The following SLC14A2 variants were observed in gnomAD, a reference collection of about 807,000 sequenced individuals.
SLC14A2 encodes urea transporter 2.
Under a neutral mutation model 104.6 loss-of-function variants are expected in SLC14A2, and 91 were observed. That is an observed-to-expected ratio of 0.87 (90% CI 0.73 to 1.04). SLC14A2 has a LOEUF of 1.04. Ranked by LOEUF, SLC14A2 falls within the 50% of genes least tolerant of loss-of-function variation. The pLI, the probability that SLC14A2 is intolerant of heterozygous loss-of-function variation, is 0.00. For missense variants in SLC14A2, 1,189 were observed against 1,156.0 expected (o/e 1.03, Z -0.41); for synonymous variants, 476 against 466.4 (o/e 1.02, Z -0.27).
intron 1 of SLC14A2, among the ~76,000 whole-genome samples, chr18:45,364,148 A>C (rs2085643366): frequency 6.6e-6 from 1 of 152,158 alleles, no homozygotes; most frequent in African/African-American, 2.4e-5. Flanking sequence ...TCAACTCGTC[A>C]GCCCTTGCCT....
intron 2 of SLC14A2, among the ~76,000 whole-genome samples, chr18:45,586,771 C>G (rs974967835): frequency 6.6e-6 from 1 of 152,052 alleles, no homozygotes; most frequent in African/African-American, 2.4e-5. Context: ...TTAGGTTACC[C>G]CCACCTTCAA....
At chr18:45,537,902 A>G (rs2043820311) in intron 2 of SLC14A2, among the ~76,000 whole-genome samples, 2 of 152,234 alleles carry the variant, frequency 1.3e-5, no homozygotes, top group South Asian at 4.1e-4. Context: ...GGAGTTCAGC[A>G]GAGAGGTCTG....
chr18:45,235,067 A>G (rs185130842), intron 1 of SLC14A2, among the ~76,000 whole-genome samples: 88 of 152,276 alleles, frequency 5.8e-4, no homozygotes, highest in African/African-American at 2.0e-3. Flanking sequence ...GGAATCTTCA[A>G]ATCTGCCTCT....
chr18:45,639,887 C>A lies in SLC14A2; in HGVS notation c.985C>A (p.Leu329Ile). ...HAAIGSIVGL[L>I]AALSVATPFE... The stretch of plus-strand genomic sequence containing the variant: ...AGCCATTGGCTCAATCGTGGGGCTG[C>A]TAGCAGGTAGGACAGAGCTCCCTCT... The change falls in exon 7 of 20, where the codon CTA (leucine) becomes ATA (isoleucine). Residue 329 changes from leucine to isoleucine, a missense_variant. Physicochemically the swap from Leu to Ile is conservative, Grantham distance 5. Transcript: ENST00000255226. 1 of 1,613,082 alleles carries A rather than the reference C, an allele frequency of 6.2e-7. No homozygotes were observed. The highest frequency in any genetic ancestry group is 8.5e-7 in the Non-Finnish European group (1 of 1,179,806).
At chr18:45,614,679 T>C (rs770568894), upstream of SLC14A2, 4 of 152,226 alleles carry the variant, frequency 2.6e-5, no homozygotes, top group Non-Finnish European at 4.4e-5. Flanking sequence ...CCACTGGATT[T>C]TGGACTTGCG....
intron 1 of SLC14A2, among the ~76,000 whole-genome samples, chr18:45,302,500 G>T (rs565485086): frequency 9.2e-5 from 14 of 152,226 alleles, no homozygotes; most frequent in Admixed American, 7.9e-4. Context: ...TTCCTTGTCT[G>T]GGCCCTTTGT....
intron 10 of SLC14A2, among the ~76,000 whole-genome samples, chr18:45,650,761 C>G (rs192574284): frequency 1.3e-4 from 20 of 152,080 alleles, no homozygotes; most frequent in African/African-American, 4.8e-4. Flanking sequence ...GTTTTTGAGA[C>G]GGAGTTTTGT....
chr18:45,244,108 G>A (rs898260074), intron 1 of SLC14A2, among the ~76,000 whole-genome samples: 9 of 152,144 alleles, frequency 5.9e-5, no homozygotes, highest in African/African-American at 9.7e-5. Flanking sequence ...GCCAAGTTCC[G>A]GAAGCTTAGA....
intron 1 of SLC14A2, among the ~76,000 whole-genome samples, chr18:45,276,864 C>A (rs945606528): frequency 6.6e-6 from 1 of 152,230 alleles, no homozygotes; most frequent in Admixed American, 6.5e-5. Flanking sequence ...GTAGCCCTGG[C>A]TGCTTCGACC....
intron 2 of SLC14A2, among the ~76,000 whole-genome samples, chr18:45,503,022 C>T (rs778431977): frequency 5.3e-5 from 8 of 151,956 alleles, no homozygotes; most frequent in South Asian, 4.2e-4. Context: ...TTTAAAGTTC[C>T]ATGGGCAGCT....
intron 2 of SLC14A2, among the ~76,000 whole-genome samples, chr18:45,505,832 C>T (rs937847147): frequency 6.6e-6 from 1 of 152,296 alleles, no homozygotes; most frequent in East Asian, 1.9e-4. Flanking sequence ...TTTCACAAAG[C>T]CTAGCCTTGC....
chr18:45,337,608 T>A (rs2085349569), intron 1 of SLC14A2, among the ~76,000 whole-genome samples: 1 of 152,214 alleles, frequency 6.6e-6, no homozygotes, highest in Admixed American at 6.5e-5. Flanking sequence ...GCCTCATTAT[T>A]CCTCATTATA....
chr18:45,591,333 C>CTTGTT (rs137982590), intron 2 of SLC14A2, among the ~76,000 whole-genome samples: 12,379 of 152,052 alleles, frequency 0.081, 673 homozygotes, highest in Non-Finnish European at 0.12. Context: ...AACAATATTT[C>CTTGTT]TTGTTTTGTT....
At chr18:45,596,446 C>A (rs1208426420) in intron 2 of SLC14A2, among the ~76,000 whole-genome samples, 1 of 152,260 alleles carries the variant, frequency 6.6e-6, no homozygotes, top group Non-Finnish European at 1.5e-5. Context: ...CCAGAATGGG[C>A]ATTTCCTGTG....
intron 1 of SLC14A2, among the ~76,000 whole-genome samples, chr18:45,344,813 C>A (rs1599692455): frequency 2.0e-5 from 3 of 152,312 alleles, no homozygotes; most frequent in East Asian, 3.9e-4. Flanking sequence ...TAATGCATGA[C>A]CCGTCACGTA....
At chr18:45,464,038 G>A (rs928178024) in intron 1 of SLC14A2, among the ~76,000 whole-genome samples, 1 of 152,162 alleles carries the variant, frequency 6.6e-6, no homozygotes, top group Non-Finnish European at 1.5e-5. Context: ...TGAGATACAA[G>A]AACGCTAACG....
At chr18:45,424,363 A>G (rs1037497738) in intron 1 of SLC14A2, among the ~76,000 whole-genome samples, 13 of 152,188 alleles carry the variant, frequency 8.5e-5, no homozygotes, top group African/African-American at 3.1e-4. Flanking sequence ...CTGGGGTTCT[A>G]TGGAGACTGT....
At chr18:45,409,271 G>C (rs1421519346) in intron 1 of SLC14A2, among the ~76,000 whole-genome samples, 1 of 152,180 alleles carries the variant, frequency 6.6e-6, no homozygotes, top group Non-Finnish European at 1.5e-5. Flanking sequence ...TTTTAGATGA[G>C]AGCAAGAGAG....
chr18:45,420,205 C>T (rs181555854), intron 1 of SLC14A2, among the ~76,000 whole-genome samples: 1 of 152,298 alleles, frequency 6.6e-6, no homozygotes, highest in East Asian at 1.9e-4. Context: ...CAGTTCCCCA[C>T]CCGAATCTCT....
Sources: gnomAD v4.1 joint callset for allele counts (sites outside exome capture counted in the v4.1 genomes callset) on GRCh38, gnomAD v4.1.1 for gene constraint, MANE v1.5 for transcripts, NCBI Gene and HGNC (gene_info 2026-07-23, HGNC 2026-07-21) for gene names.